KIF21A: variants seen among roughly 807,000 people sequenced by gnomAD.
KIF21A encodes the protein kinesin-like protein KIF21A.
KIF21A carries 114 observed loss-of-function variants against 202.9 expected under a neutral mutation model. The observed-to-expected ratio is 0.56, with a 90% CI of 0.48 to 0.66. The LOEUF is 0.66. Among genes scored for constraint, KIF21A ranks in the 30% least tolerant of loss-of-function variants. KIF21A has a pLI of 0.00. For missense variants in KIF21A, 1,677 were observed against 1,994.9 expected, an observed-to-expected ratio of 0.84 and a Z score of 3.04; for synonymous variants, 667 against 670.8, an observed-to-expected ratio of 0.99 and a Z score of 0.09.
chr12:39,426,881 TA>T (rs10718392), intron 1 of KIF21A, among the ~76,000 whole-genome samples: 38,893 of 132,834 alleles, frequency 0.29, 6,238 homozygotes, highest in African/African-American at 0.47. Context: ...GAGACTCTGT[TA>T]AAAAAAAAAA....
intron 31 of KIF21A, among the ~76,000 whole-genome samples, chr12:39,314,788 C>T (rs891417036): frequency 2.6e-5 from 4 of 151,738 alleles, no homozygotes; most frequent in Non-Finnish European, 5.9e-5. Context: ...TAAATATTTG[C>T]CCCAGTAACT....
intron 1 of KIF21A, among the ~76,000 whole-genome samples, chr12:39,415,346 TCTC>T (rs1369118846): frequency 6.7e-6 from 1 of 149,798 alleles, no homozygotes; most frequent in East Asian, 2.0e-4. Flanking sequence ...TTCACGCCAT[TCTC>T]CTACCTCAGC....
chr12:39,402,947 C>G (rs1425614549), intron 1 of KIF21A, among the ~76,000 whole-genome samples: 1 of 152,136 alleles, frequency 6.6e-6, no homozygotes, highest in Non-Finnish European at 1.5e-5. Flanking sequence ...AGAGAAGAAA[C>G]TACTACCATC....
chr12:39,435,411 C>T (rs1373859701), intron 1 of KIF21A, among the ~76,000 whole-genome samples: 1 of 152,134 alleles, frequency 6.6e-6, no homozygotes, highest in East Asian at 1.9e-4. Flanking sequence ...AGGTCTAAGA[C>T]CCCAAATGGC....
At chr12:39,363,310 T>C (rs931092426) in intron 6 of KIF21A, 97 bp from the exon 7 acceptor site, 1 of 699,758 alleles carries the variant, frequency 1.4e-6, no homozygotes, top group Non-Finnish European at 2.5e-6. Flanking sequence ...TATAGAGACA[T>C]AATATAATTA....
At chr12:39,417,290 A>G (rs1953842571) in intron 1 of KIF21A, among the ~76,000 whole-genome samples, 1 of 152,220 alleles carries the variant, frequency 6.6e-6, no homozygotes, top group Non-Finnish European at 1.5e-5. Context: ...TATGAATACA[A>G]CATCTAATAA....
chr12:39,359,133 A>G (rs1448028781), intron 7 of KIF21A, among the ~76,000 whole-genome samples: 1 of 152,184 alleles, frequency 6.6e-6, no homozygotes, highest in Non-Finnish European at 1.5e-5. Context: ...ATGCCTATCA[A>G]TCATAATCTT....
chr12:39,387,161 TAC>T (rs3036323), intron 1 of KIF21A, among the ~76,000 whole-genome samples: 53,041 of 137,816 alleles, frequency 0.38, 10,420 homozygotes, highest in Non-Finnish European at 0.47. Flanking sequence ...ATGCAGTAGT[TAC>T]ACACACACAC....
At chr12:39,381,367 G>T (rs1950604687) in intron 1 of KIF21A, among the ~76,000 whole-genome samples, 1 of 150,490 alleles carries the variant, frequency 6.6e-6, no homozygotes, top group African/African-American at 2.4e-5. Context: ...ACTCTATAAT[G>T]ATAGTAATAC....
chr12:39,304,495 C>T (rs1388905597), intron 35 of KIF21A, among the ~76,000 whole-genome samples: 1 of 152,190 alleles, frequency 6.6e-6, no homozygotes, highest in Non-Finnish European at 1.5e-5. Context: ...TCTTTCCTTA[C>T]CTTATCTGTT....
In KIF21A at chr12:39,410,545, T is replaced by G. The variant is rs541596188; in HGVS notation, c.44+32382A>C. 1.6e-4 allele frequency among the ~76,000 whole-genome samples: 25 copies of G among 152,284 alleles called. No homozygotes were observed. The South Asian group carries it at 1.9e-3, about 11-fold the overall frequency. On this transcript the variant is annotated intron_variant, in intron 1 of 37. Coordinates refer to ENST00000361418, the MANE Select transcript of KIF21A (RefSeq NM_001173464.2). ...AGACCAAAAAACAAATTAGAAGAGA[T>G]ATGAAAGATTTAAGCAATCCTATTA...
At chr12:39,330,337 C>T in intron 23 of KIF21A, 75 bp from the exon 24 acceptor site, 1 of 1,319,322 alleles carries the variant, frequency 7.6e-7, no homozygotes, top group Non-Finnish European at 1.1e-6. Flanking sequence ...AAAACTCCCA[C>T]ATAAAACAAG....
chr12:39,332,986 T>C lies in KIF21A; in HGVS notation c.2609A>G (p.Glu870Gly). ...GGCTCCTGTCCTTGATGCATCTGTT[T>C]CGACAGCAGCTGCACTGGAACCTGT... ...QDTGSSAAAV[E>G]TDASRTGAQQ... The change falls in exon 19 of 38, where the codon GAA (glutamate) becomes GGA (glycine). Residue 870 changes from glutamate to glycine, a missense_variant. Glu to Gly is a moderately conservative substitution (Grantham distance 98). Coordinates refer to ENST00000361418, the MANE Select transcript of KIF21A (RefSeq NM_001173464.2). 18 of 1,614,164 alleles carry C rather than the reference T, an allele frequency of 1.1e-5. No individual in the cohort carries two copies. The highest frequency in any genetic ancestry group is 1.5e-5 in the Non-Finnish European group (18 of 1,180,004).
rs200718035 is a variant in KIF21A at position 39,426,899 on chromosome 12, G to C, written c.44+16028C>G. Among the ~76,000 whole-genome samples, 59 of 144,358 alleles carry C rather than the reference G, an allele frequency of 4.1e-4. 1 individual carries two copies. Among genetic ancestry groups the C allele is most frequent in the Admixed American group, 3.9e-3 (57 of 14,544 alleles). 94.7% of individuals were successfully genotyped at this position (144,358 alleles called of 152,430 possible). A position where few individuals can be genotyped will look rare whatever the true frequency, so the allele number is the denominator to read the frequency against. ...ACTCTGTTAAAAAAAAAAAAAAAAA[G>C]AAAAGAAAGAAAATTAAGAAATCGT... is the stretch of plus-strand genomic sequence containing the variant. On this transcript the variant is annotated intron_variant, in intron 1 of 37. Transcript: ENST00000361418.
At chr12:39,366,127 G>C (rs753279568) in intron 6 of KIF21A, among the ~76,000 whole-genome samples, 2 of 151,852 alleles carry the variant, frequency 1.3e-5, no homozygotes, top group African/African-American at 2.4e-5. Context: ...ATTTTAGTAC[G>C]ACTAAATTTA....
chr12:39,325,339 T>TG (rs972262636), intron 26 of KIF21A, among the ~76,000 whole-genome samples: 3 of 151,418 alleles, frequency 2.0e-5, no homozygotes, highest in Admixed American at 6.6e-5. Flanking sequence ...GAGAATTTTT[T>TG]TTTTTTTTTT....
chr12:39,357,871 T>C (rs1354755405), intron 8 of KIF21A, among the ~76,000 whole-genome samples: 1 of 117,888 alleles, frequency 8.5e-6, no homozygotes, highest in Non-Finnish European at 1.6e-5. Flanking sequence ...ATCACGCCAC[T>C]GCACTCCAGC....
At chr12:39,341,469 A>G (rs760349528) in intron 14 of KIF21A, 36 bp downstream of exon 14, 10 of 1,603,054 alleles carry the variant, frequency 6.2e-6, no homozygotes, top group Middle Eastern at 1.7e-4. Flanking sequence ...CAACTTCCCA[A>G]AATGAATTTT....
In KIF21A at chr12:39,363,117, C is replaced by A; in HGVS notation, c.1000G>T (p.Asp334Tyr). The A allele has an allele frequency of 6.2e-7, 1 of 1,609,066 alleles. No individual in the cohort carries two copies. Among genetic ancestry groups the A allele is most frequent in the Admixed American group, 1.7e-5 (1 of 60,000 alleles). The change falls in exon 7 of 38, where the codon GAT becomes TAT. Residue 334 changes from aspartate to tyrosine, a missense_variant. By Grantham distance (160) the Asp-to-Tyr change is radical (BLOSUM62 -3). This residue lies in a region of KIF21A where 966 missense variants were observed against 1,180.9 expected (regional missense o/e 0.82). Coordinates refer to ENST00000361418, the MANE Select transcript of KIF21A (RefSeq NM_001173464.2). ...RDSKLTRLLQ[D>Y]SLGGNSQTIM... ...GCATACCTATTACCCCCGAGGGAAT[C>A]CTGTAGTAGTCTTGTTAGCTTGGAA...
Sources: allele counts gnomAD v4.1 joint callset (sites outside exome capture counted in the v4.1 genomes callset), GRCh38; gene constraint gnomAD v4.1.1; regional missense constraint gnomAD v4.1.1; transcripts MANE v1.5; gene names NCBI Gene and HGNC (gene_info 2026-07-23, HGNC 2026-07-21).